RBFOX1: variants seen among roughly 807,000 people sequenced by gnomAD.
RBFOX1 encodes RNA binding protein fox-1 homolog 1.
A neutral mutation model predicts 57.7 loss-of-function variants in RBFOX1; 8 were observed. That is an observed-to-expected ratio of 0.14 (90% confidence interval 0.08 to 0.25). The LOEUF (loss-of-function observed/expected upper bound fraction) is 0.25, where lower values mean the gene tolerates loss of function less well. Among genes scored for constraint, RBFOX1 ranks in the 10% least tolerant of loss-of-function variants. RBFOX1 has a pLI of 1.00. For synonymous variants in RBFOX1, 326 were observed against 222.4 expected, an observed-to-expected ratio of 1.47 and a Z score of -4.15; for missense variants, 611 against 548.5, an observed-to-expected ratio of 1.11 and a Z score of -1.14.
chr16:7,702,889 A>C (rs1328748883), intron 14 of RBFOX1, among the ~76,000 whole-genome samples: 1 of 152,226 alleles, frequency 6.6e-6, no homozygotes, highest in Non-Finnish European at 1.5e-5. Flanking sequence ...AAATGAGGGC[A>C]ATGAAATAGG....
At chr16:5,755,421 AT>A (rs2053358155) in intron 3 of RBFOX1, among the ~76,000 whole-genome samples, 1 of 152,178 alleles carries the variant, frequency 6.6e-6, no homozygotes, top group Non-Finnish European at 1.5e-5. Flanking sequence ...AAGGATCCCC[AT>A]TTTATTGGTT....
At chr16:7,565,573 C>G (rs975889234) in intron 5 of RBFOX1, among the ~76,000 whole-genome samples, 2 of 152,188 alleles carry the variant, frequency 1.3e-5, no homozygotes, top group Middle Eastern at 3.2e-3. Flanking sequence ...GACCGCTCTT[C>G]AGTCTGCAAG....
At chr16:5,316,805 C>T (rs12600263) in intron 1 of RBFOX1, among the ~76,000 whole-genome samples, 2 of 152,100 alleles carry the variant, frequency 1.3e-5, no homozygotes, top group Non-Finnish European at 1.5e-5. Flanking sequence ...ATTGGGCCGC[C>T]GCAGGTGCAT....
At chr16:6,477,897 T>C (rs1272153700) in intron 2 of RBFOX1, among the ~76,000 whole-genome samples, 1 of 152,186 alleles carries the variant, frequency 6.6e-6, no homozygotes, top group Non-Finnish European at 1.5e-5. Context: ...ACTTGCATGT[T>C]ACAGATACTC....
intron 1 of RBFOX1, among the ~76,000 whole-genome samples, chr16:5,261,256 A>G (rs1368503548): frequency 6.6e-6 from 1 of 152,080 alleles, no homozygotes; most frequent in Non-Finnish European, 1.5e-5. Flanking sequence ...CTGTTCTGCA[A>G]TCATAGTCCT....
intron 2 of RBFOX1, among the ~76,000 whole-genome samples, chr16:5,549,597 T>C (rs2045374720): frequency 6.6e-6 from 1 of 152,172 alleles, no homozygotes; most frequent in South Asian, 2.1e-4. Flanking sequence ...TATGCAGAAT[T>C]GCACAGTAAA....
intron 1 of RBFOX1, among the ~76,000 whole-genome samples, chr16:5,298,272 C>T (rs72775769): frequency 0.053 from 8,069 of 152,186 alleles, 308 homozygotes; most frequent in Non-Finnish European, 0.079. Context: ...ACATTGTAGG[C>T]AGTTGGTTTG....
At chr16:6,797,557 G>A (rs1021074963) in intron 3 of RBFOX1, among the ~76,000 whole-genome samples, 1 of 152,064 alleles carries the variant, frequency 6.6e-6, no homozygotes, top group Non-Finnish European at 1.5e-5. Context: ...TATTACAATG[G>A]GGGTAAAAGA....
intron 4 of RBFOX1, among the ~76,000 whole-genome samples, chr16:7,052,582 T>C (rs1424700780): frequency 6.6e-6 from 1 of 152,140 alleles, no homozygotes; most frequent in Non-Finnish European, 1.5e-5. Flanking sequence ...CATTTGTGTA[T>C]ATGGGAGAGG....
At chr16:5,404,342 G>A (rs551833453) in intron 1 of RBFOX1, among the ~76,000 whole-genome samples, 38 of 152,196 alleles carry the variant, frequency 2.5e-4, no homozygotes, top group African/African-American at 8.9e-4. Context: ...GAACCTTATC[G>A]AATTAGCAGG....
At chr16:7,154,685 T>TTGTGTGTGTG (rs56742260) in intron 4 of RBFOX1, among the ~76,000 whole-genome samples, 18 of 143,218 alleles carry the variant, frequency 1.3e-4, no homozygotes, top group African/African-American at 2.7e-4. Flanking sequence ...CCCTCTTCCT[T>TTGTGTGTGTG]TGTGTGTGTG....
chr16:5,877,543 G>A (rs529314041), intron 4 of RBFOX1, among the ~76,000 whole-genome samples: 9 of 152,312 alleles, frequency 5.9e-5, no homozygotes, highest in Non-Finnish European at 1.0e-4. Context: ...CCCCACAACT[G>A]GGGCTTAGCC....
chr16:5,908,619 C>T (rs185695139), intron 4 of RBFOX1, among the ~76,000 whole-genome samples: 38 of 152,156 alleles, frequency 2.5e-4, no homozygotes, highest in African/African-American at 9.1e-4. Context: ...TCCCAAAGTG[C>T]AGAGATTTAT....
intron 4 of RBFOX1, among the ~76,000 whole-genome samples, chr16:7,469,653 A>G (rs901276587): frequency 6.6e-6 from 1 of 152,230 alleles, no homozygotes; most frequent in Non-Finnish European, 1.5e-5. Context: ...GTCTCACATC[A>G]TTATGGTACA....
chr16:5,868,824 C>G lies in RBFOX1; in HGVS notation c.351+1489C>G, dbSNP rs192425347. On this transcript the variant is annotated intron_variant, in intron 4 of 19. Coordinates refer to the RBFOX1 transcript ENST00000641259. The stretch of plus-strand genomic sequence containing the variant: ...TGGAATAGGAATAGCAATATGCATC[C>G]TATGAGGCTGTCGAGAGCATTAAAA... Among the ~76,000 whole-genome samples, 4 of 152,288 alleles carry G rather than the reference C, an allele frequency of 2.6e-5. No homozygotes were observed. In the East Asian group the frequency reaches 7.7e-4, roughly 29 times the overall value.
At chr16:6,187,371 C>G (rs563411081) in intron 1 of RBFOX1, among the ~76,000 whole-genome samples, 2 of 152,062 alleles carry the variant, frequency 1.3e-5, no homozygotes, top group Non-Finnish European at 2.9e-5. Flanking sequence ...CACAACACCC[C>G]TAGATGTGAC....
intron 2 of RBFOX1, among the ~76,000 whole-genome samples, chr16:6,359,063 T>C (rs1284694049): frequency 6.6e-6 from 1 of 150,822 alleles, no homozygotes; most frequent in Non-Finnish European, 1.5e-5. Flanking sequence ...ATGCTCAGCT[T>C]GTTGTTGAAA....
chr16:5,817,941 C>T (rs1307378562), intron 3 of RBFOX1, among the ~76,000 whole-genome samples: 2 of 152,040 alleles, frequency 1.3e-5, no homozygotes, highest in African/African-American at 2.4e-5. Flanking sequence ...CTACCCACCT[C>T]GGCCTCCAAA....
intron 2 of RBFOX1, among the ~76,000 whole-genome samples, chr16:6,361,895 C>T (rs1184136493): frequency 2.0e-5 from 3 of 152,030 alleles, no homozygotes; most frequent in Admixed American, 2.0e-4. Flanking sequence ...TTGATCCAGC[C>T]GTTTTTGTTT....
Sources: gnomAD v4.1 joint callset for allele counts (sites outside exome capture counted in the v4.1 genomes callset) on GRCh38, gnomAD v4.1.1 for gene constraint, MANE v1.5 for transcripts, NCBI Gene and HGNC (gene_info 2026-07-23, HGNC 2026-07-21) for gene names.